Variants in DTNA observed in about 807,000 individuals in gnomAD.
DTNA encodes dystrophin-related protein 3.
Under a neutral mutation model 100.7 loss-of-function variants are expected in DTNA, and 43 were observed. The observed-to-expected ratio is 0.43, with a 90% CI of 0.33 to 0.55. DTNA has a LOEUF of 0.55. Ranked by LOEUF, DTNA falls within the 20% of genes least tolerant of loss-of-function variation. The pLI is 0.04. For synonymous variants in DTNA, 349 were observed against 347.9 expected, an observed-to-expected ratio of 1.00 and a Z score of -0.04; for missense variants, 798 against 953.9, an observed-to-expected ratio of 0.84 and a Z score of 2.15.
intron 1 of DTNA, among the ~76,000 whole-genome samples, chr18:34,597,511 A>C (rs1322663001): frequency 3.3e-5 from 5 of 152,066 alleles, no homozygotes; most frequent in African/African-American, 1.2e-4. Flanking sequence ...AAACCAACAT[A>C]CCCATCTTCT....
intron 1 of DTNA, among the ~76,000 whole-genome samples, chr18:34,691,966 G>A (rs2145877212): frequency 6.6e-6 from 1 of 152,202 alleles, no homozygotes; most frequent in South Asian, 2.1e-4. Flanking sequence ...TTATTTGTAG[G>A]GTATCAGCAC....
At chr18:34,745,506 T>C (rs1006388385) in intron 1 of DTNA, among the ~76,000 whole-genome samples, 1 of 152,220 alleles carries the variant, frequency 6.6e-6, no homozygotes, top group African/African-American at 2.4e-5. Flanking sequence ...ATGCCAATAA[T>C]GTCCTAAAAC....
At chr18:34,547,505 C>T (rs2044920969) in intron 1 of DTNA, among the ~76,000 whole-genome samples, 1 of 152,212 alleles carries the variant, frequency 6.6e-6, no homozygotes, top group Non-Finnish European at 1.5e-5. Flanking sequence ...TTACTCTGTG[C>T]TCTGACCTGT....
intron 1 of DTNA, among the ~76,000 whole-genome samples, chr18:34,507,977 T>A (rs1347687210): frequency 1.3e-5 from 2 of 152,246 alleles, no homozygotes; most frequent in Non-Finnish European, 2.9e-5. Flanking sequence ...ATAAATGTTT[T>A]TCAAGTAAAT....
At chr18:34,848,942 G>A (rs1334526735) in intron 14 of DTNA, among the ~76,000 whole-genome samples, 3 of 152,204 alleles carry the variant, frequency 2.0e-5, no homozygotes, top group Non-Finnish European at 4.4e-5. Flanking sequence ...GGAAGCTGTT[G>A]CCTGCACCTC....
intron 3 of DTNA, among the ~76,000 whole-genome samples, chr18:34,775,492 A>G (rs533577816): frequency 2.6e-5 from 4 of 152,288 alleles, no homozygotes; most frequent in Admixed American, 1.3e-4. Context: ...AAAAAAAAAT[A>G]AAAATAAATA....
chr18:34,547,074 G>C (rs921761786), intron 1 of DTNA, among the ~76,000 whole-genome samples: 12 of 151,950 alleles, frequency 7.9e-5, no homozygotes, highest in Non-Finnish European at 1.3e-4. Context: ...GAAAGAATAA[G>C]TGTAATATAA....
At chr18:34,766,679 A>G (rs2093493055) in intron 3 of DTNA, among the ~76,000 whole-genome samples, 1 of 152,198 alleles carries the variant, frequency 6.6e-6, no homozygotes, top group African/African-American at 2.4e-5. Context: ...TAATAATAAT[A>G]AAATAAAATA....
intron 16 of DTNA, among the ~76,000 whole-genome samples, chr18:34,861,894 T>G (rs2096632418): frequency 6.6e-6 from 1 of 152,196 alleles, no homozygotes; most frequent in Non-Finnish European, 1.5e-5. Flanking sequence ...TGCACCAACC[T>G]AATAATACCA....
intron 1 of DTNA, among the ~76,000 whole-genome samples, chr18:34,540,834 C>T (rs1405436565): frequency 2.0e-5 from 3 of 152,068 alleles, no homozygotes; most frequent in African/African-American, 7.2e-5. Flanking sequence ...TGCTGGACAA[C>T]CAAGAATTTG....
rs190010631 is a variant in DTNA at position 34,687,794 on chromosome 18, G to T, written c.-1-68182G>T. ...TATAGGTCTCTTTGTAAGTCTCTAA[G>T]AACTTTCTTTATGAATCTGGATGCT... On this transcript the variant is annotated intron_variant, in intron 1 of 19. Coordinates refer to the DTNA transcript ENST00000283365. 7.6e-4 allele frequency among the ~76,000 whole-genome samples: 115 copies of T among 152,248 alleles called. 3 individuals carry two copies. In the East Asian group the frequency reaches 0.015, roughly 20 times the overall value.
chr18:34,849,053 A>T (rs1227306978), intron 14 of DTNA, among the ~76,000 whole-genome samples: 1 of 152,222 alleles, frequency 6.6e-6, no homozygotes, highest in Non-Finnish European at 1.5e-5. Context: ...TAGCCCTGGC[A>T]GTTGCTCTCT....
At chr18:34,848,789 T>G (rs537697043) in intron 14 of DTNA, among the ~76,000 whole-genome samples, 5 of 152,298 alleles carry the variant, frequency 3.3e-5, no homozygotes, top group African/African-American at 1.2e-4. Flanking sequence ...ATAATAGAGC[T>G]ATAGCTTTCT....
intron 9 of DTNA, chr18:34,821,521 C>T: frequency 2.2e-6 from 1 of 456,396 alleles, no homozygotes; most frequent in South Asian, 1.5e-5. Context: ...AACAGTCCTT[C>T]CAGCCATCCC....
At chr18:34,520,270 A>G (rs1251247194) in intron 1 of DTNA, among the ~76,000 whole-genome samples, 1 of 152,184 alleles carries the variant, frequency 6.6e-6, no homozygotes, top group Non-Finnish European at 1.5e-5. Context: ...CAGTTATCCA[A>G]AGAACACTTT....
intron 1 of DTNA, among the ~76,000 whole-genome samples, chr18:34,657,378 A>G (rs550026115): frequency 6.6e-6 from 1 of 152,296 alleles, no homozygotes; most frequent in African/African-American, 2.4e-5. Flanking sequence ...TGAATTTTTA[A>G]AAAAACTTGT....
At chr18:34,594,129 T>A (rs1019304091) in intron 1 of DTNA, among the ~76,000 whole-genome samples, 1 of 151,128 alleles carries the variant, frequency 6.6e-6, no homozygotes, top group African/African-American at 2.4e-5. Flanking sequence ...TCCAAGCAGG[T>A]TCCCCTCCTT....
At chr18:34,819,205 T>G (rs760440712) in intron 8 of DTNA, among the ~76,000 whole-genome samples, 1 of 152,236 alleles carries the variant, frequency 6.6e-6, no homozygotes, top group African/African-American at 2.4e-5. Flanking sequence ...TTTAATATAT[T>G]TCAATTCAAC....
chr18:34,620,569 C>A lies in DTNA; in HGVS notation c.-2+127055C>A, dbSNP rs1307614514. On this transcript the variant is annotated intron_variant, in intron 1 of 19. Coordinates refer to the DTNA transcript ENST00000283365. ...TTTAATTGGCTCACAGTTCTGCAGG[C>A]TATACAGGAAGCTTAGTGGCTTCTG... Among the ~76,000 whole-genome samples, 3 of 152,106 alleles carry A rather than the reference C, an allele frequency of 2.0e-5. No individual in the cohort carries two copies. In the East Asian group the frequency reaches 5.8e-4, roughly 29 times the overall value.
Sources: allele counts gnomAD v4.1 joint callset (sites outside exome capture counted in the v4.1 genomes callset), GRCh38; gene constraint gnomAD v4.1.1; transcripts MANE v1.5; gene names NCBI Gene and HGNC (gene_info 2026-07-23, HGNC 2026-07-21).